KCNMA1: variants seen among roughly 807,000 people sequenced by gnomAD.
KCNMA1 encodes Calcium-activated potassium channel subunit alpha-1.
A neutral mutation model predicts 140.0 loss-of-function variants in KCNMA1; 29 were observed. The observed-to-expected ratio is 0.21, with a 90% CI of 0.15 to 0.28. The LOEUF (loss-of-function observed/expected upper bound fraction) is 0.28. Among genes scored for constraint, KCNMA1 ranks in the 10% least tolerant of loss-of-function variants. The pLI is 1.00. For synonymous variants in KCNMA1, 612 were observed against 611.9 expected, an observed-to-expected ratio of 1.00 and a Z score of 0.00; for missense variants, 880 against 1,602.2, an observed-to-expected ratio of 0.55 and a Z score of 7.70.
intron 1 of KCNMA1, among the ~76,000 whole-genome samples, chr10:77,544,251 AT>A (rs1345014530): frequency 6.6e-6 from 1 of 151,232 alleles, no homozygotes; most frequent in Non-Finnish European, 1.5e-5. Flanking sequence ...AGGAAGTGAG[AT>A]TTTTGAGTAA....
At chr10:76,994,574 G>C (rs1049224070) in intron 19 of KCNMA1, among the ~76,000 whole-genome samples, 1 of 152,144 alleles carries the variant, frequency 6.6e-6, no homozygotes, top group African/African-American at 2.4e-5. Context: ...GCTCAGATAA[G>C]ACTAAAACAT....
intron 23 of KCNMA1, among the ~76,000 whole-genome samples, chr10:76,926,059 G>C (rs765378310): frequency 6.6e-6 from 1 of 152,132 alleles, no homozygotes; most frequent in Non-Finnish European, 1.5e-5. Context: ...CTGTACATAC[G>C]TTTATGCTGG....
chr10:77,162,924 C>T (rs954644498), intron 5 of KCNMA1, among the ~76,000 whole-genome samples: 4 of 152,190 alleles, frequency 2.6e-5, no homozygotes, highest in Non-Finnish European at 5.9e-5. Flanking sequence ...GACTCATCCT[C>T]GGAAGATCTG....
At chr10:77,468,930 T>C (rs1603626775) in intron 1 of KCNMA1, among the ~76,000 whole-genome samples, 1 of 152,316 alleles carries the variant, frequency 6.6e-6, no homozygotes, top group Middle Eastern at 3.4e-3. Flanking sequence ...ATGCTTCATC[T>C]TACTCTTCTG....
At chr10:76,931,123 A>G (rs556333434) in intron 23 of KCNMA1, among the ~76,000 whole-genome samples, 1 of 152,238 alleles carries the variant, frequency 6.6e-6, no homozygotes, top group South Asian at 2.1e-4. Flanking sequence ...AAGTTTGCAA[A>G]AAGAATAGAT....
At chr10:77,368,967 C>T (rs180713148) in intron 2 of KCNMA1, among the ~76,000 whole-genome samples, 50 of 152,280 alleles carry the variant, frequency 3.3e-4, no homozygotes, top group South Asian at 1.5e-3. Flanking sequence ...TCAGGTAGGG[C>T]GATTGGTGAT....
intron 5 of KCNMA1, among the ~76,000 whole-genome samples, chr10:77,168,667 A>G (rs1257984435): frequency 6.6e-6 from 1 of 152,220 alleles, no homozygotes; most frequent in East Asian, 1.9e-4. Context: ...CAGCTATAAT[A>G]ATAATAACAA....
At chr10:77,598,614 C>T (rs1567784083) in intron 1 of KCNMA1, among the ~76,000 whole-genome samples, 1 of 152,180 alleles carries the variant, frequency 6.6e-6, no homozygotes, top group Non-Finnish European at 1.5e-5. Flanking sequence ...TTTGAACACA[C>T]ATTAAATAAA....
chr10:77,621,338 A>G (rs2091298897), intron 1 of KCNMA1, among the ~76,000 whole-genome samples: 3 of 152,194 alleles, frequency 2.0e-5, no homozygotes, highest in Admixed American at 1.3e-4. Context: ...CAGAATTCCC[A>G]TTCTTTTACT....
intron 1 of KCNMA1, among the ~76,000 whole-genome samples, chr10:77,483,751 T>C (rs892396272): frequency 1.1e-4 from 17 of 152,168 alleles, no homozygotes; most frequent in Admixed American, 4.6e-4. Flanking sequence ...TGAGCAAGGA[T>C]TATCTCCACA....
At chr10:77,586,645 T>G (rs766025399) in intron 1 of KCNMA1, among the ~76,000 whole-genome samples, 1 of 152,214 alleles carries the variant, frequency 6.6e-6, no homozygotes, top group Non-Finnish European at 1.5e-5. Context: ...AGTGAAAACA[T>G]GAGGGAAGAA....
intron 2 of KCNMA1, among the ~76,000 whole-genome samples, chr10:77,271,138 C>T (rs991468512): frequency 2.6e-5 from 4 of 152,290 alleles, no homozygotes; most frequent in Non-Finnish European, 2.9e-5. Flanking sequence ...GTTTAACAGA[C>T]AAACATTTTA....
intron 3 of KCNMA1, among the ~76,000 whole-genome samples, chr10:77,192,243 A>G (rs941801074): frequency 1.3e-5 from 2 of 152,166 alleles, no homozygotes; most frequent in African/African-American, 2.4e-5. Context: ...TAAATTTCTC[A>G]ATAAAACACA....
Position 77,149,080 on chromosome 10 carries a change from G to A in KCNMA1, c.809-28032C>T, listed in dbSNP as rs549372477. The stretch of plus-strand genomic sequence containing the variant: ...TGAAATCCTTGAGGTCAAGGTCTCT[G>A]TCCAACTTCTTTGGGTATAATCCAT... On this transcript the variant is annotated intron_variant, in intron 5 of 27. Coordinates refer to ENST00000286628, the MANE Select transcript of KCNMA1 (RefSeq NM_001161352.2). Among the ~76,000 whole-genome samples, 12 of 152,320 alleles carry A rather than the reference G, an allele frequency of 7.9e-5. 1 individual carries two copies. Among genetic ancestry groups the A allele is most frequent in the Admixed American group, 1.3e-4 (2 of 15,294 alleles).
At chr10:77,466,572 A>G (rs550271531) in intron 1 of KCNMA1, among the ~76,000 whole-genome samples, 3 of 152,346 alleles carry the variant, frequency 2.0e-5, no homozygotes, top group Non-Finnish European at 4.4e-5. Context: ...TACATATTAC[A>G]TATATGTTAA....
Position 77,597,674 on chromosome 10 carries a change from C to T in KCNMA1, c.378+39591G>A, listed in dbSNP as rs377217387. On this transcript the variant is annotated intron_variant, in intron 1 of 27. Transcript: ENST00000286628. The stretch of plus-strand genomic sequence containing the variant: ...TCCCCTCCTTCTGTGACTTCATTTC[C>T]TGCCTTTATTCCTGTCACATGCTCT... Among the ~76,000 whole-genome samples the T allele has an allele frequency of 7.9e-5, 12 of 152,300 alleles. 1 individual carries two copies. The highest frequency in any genetic ancestry group is 2.9e-4 in the African/African-American group (12 of 41,572).
intron 2 of KCNMA1, among the ~76,000 whole-genome samples, chr10:77,328,402 G>A (rs918475575): frequency 2.6e-5 from 4 of 152,304 alleles, no homozygotes; most frequent in Admixed American, 6.5e-5. Context: ...TTACCCATCC[G>A]CAGATTATCC....
chr10:76,981,304 G>T (rs537830363), intron 19 of KCNMA1, among the ~76,000 whole-genome samples: 2 of 151,958 alleles, frequency 1.3e-5, no homozygotes, highest in African/African-American at 4.8e-5. Context: ...CCCCAATGAA[G>T]TGCTCAAGTC....
chr10:76,951,898 A>G lies in KCNMA1; in HGVS notation c.2484+1903T>C, dbSNP rs1378084712. 3.6e-6 allele frequency: 3 copies of G among 839,030 alleles called. No homozygotes were observed. In the East Asian group the frequency reaches 8.3e-5, roughly 23 times the overall value. 52.0% of individuals were successfully genotyped at this position (839,030 alleles called of 1,614,324 possible). A position where few individuals can be genotyped will look rare whatever the true frequency, so the allele number is the denominator to read the frequency against. ...CCTCTTCCCCCAGCCCCACCCTGCTAGAACACAAGCTCTGTGAGAGCAGTC... is the reference window on the plus strand; with the variant it reads ...CCTCTTCCCCCAGCCCCACCCTGCTGGAACACAAGCTCTGTGAGAGCAGTC... On this transcript the variant is annotated intron_variant, in intron 21 of 27. Coordinates refer to ENST00000286628, the MANE Select transcript of KCNMA1 (RefSeq NM_001161352.2).
Sources: gnomAD v4.1 joint callset for allele counts (sites outside exome capture counted in the v4.1 genomes callset) on GRCh38, gnomAD v4.1.1 for gene constraint, MANE v1.5 for transcripts, NCBI Gene and HGNC (gene_info 2026-07-23, HGNC 2026-07-21) for gene names.